SAMMSON: variants seen among roughly 807,000 people sequenced by gnomAD.
SAMMSON encodes long intergenic non-protein coding RNA 1212.
At chr3:70,325,195 G>T (rs1702569593) in intron 7 of SAMMSON, among the ~76,000 whole-genome samples, 1 of 152,100 alleles carries the variant, frequency 6.6e-6, no homozygotes, top group African/African-American at 2.4e-5. Flanking sequence ...CATAGTAACT[G>T]GGAAACATTA....
intron 7 of SAMMSON, among the ~76,000 whole-genome samples, chr3:70,328,729 C>T (rs1232530746): frequency 6.6e-6 from 1 of 152,040 alleles, no homozygotes; most frequent in Non-Finnish European, 1.5e-5. Context: ...GAGAGTGATG[C>T]AGTGAGGAGA....
intron 3 of SAMMSON, among the ~76,000 whole-genome samples, chr3:70,045,967 A>G (rs951061142): frequency 6.6e-6 from 1 of 152,114 alleles, no homozygotes; most frequent in African/African-American, 2.4e-5. Flanking sequence ...CTCTGTTCAG[A>G]GGTGATTTAT....
intron 6 of SAMMSON, among the ~76,000 whole-genome samples, chr3:70,287,038 A>G (rs1465877807): frequency 1.4e-5 from 2 of 147,432 alleles, no homozygotes; most frequent in Non-Finnish European, 3.0e-5. Flanking sequence ...TCCTAATTGA[A>G]TACCCTTTAT....
chr3:70,020,368 C>G (rs574951483), intron 3 of SAMMSON, among the ~76,000 whole-genome samples: 50 of 152,216 alleles, frequency 3.3e-4, no homozygotes, highest in Admixed American at 3.2e-3. Context: ...CAATTTTTGA[C>G]CTCTCCTAGG....
At chr3:70,052,826 T>G (rs147278875) in intron 3 of SAMMSON, among the ~76,000 whole-genome samples, 345 of 152,194 alleles carry the variant, frequency 2.3e-3, no homozygotes, top group African/African-American at 8.1e-3. Flanking sequence ...GGGACAAAAT[T>G]GCCCTCATTT....
chr3:70,268,672 CTTCTT>C (rs1325007785), intron 6 of SAMMSON, among the ~76,000 whole-genome samples: 1 of 152,106 alleles, frequency 6.6e-6, no homozygotes, highest in Non-Finnish European at 1.5e-5. Context: ...AGTATTCTCT[CTTCTT>C]TTGTTTTTGC....
intron 4 of SAMMSON, among the ~76,000 whole-genome samples, chr3:70,161,153 G>A (rs971613093): frequency 6.6e-6 from 1 of 151,750 alleles, no homozygotes; most frequent in African/African-American, 2.4e-5. Context: ...TCTTTCTTTT[G>A]TATGCCTTTC....
intron 3 of SAMMSON, chr3:70,068,269 A>C (rs1279455266): frequency 1.3e-5 from 2 of 152,086 alleles, no homozygotes; most frequent in African/African-American, 4.8e-5. Flanking sequence ...CTGAATCACC[A>C]ACCATTTCTG....
intron 6 of SAMMSON, among the ~76,000 whole-genome samples, chr3:70,267,942 C>T (rs142834007): frequency 6.6e-6 from 1 of 151,694 alleles, no homozygotes; most frequent in Non-Finnish European, 1.5e-5. Context: ...ATCCCCTTCC[C>T]TTCCTTTCCC....
At chr3:70,084,257 G>C (rs1227687356) in intron 4 of SAMMSON, among the ~76,000 whole-genome samples, 1 of 152,118 alleles carries the variant, frequency 6.6e-6, no homozygotes, top group Non-Finnish European at 1.5e-5. Flanking sequence ...TTTATTAGGG[G>C]TTACCTCTAG....
chr3:70,023,414 T>G (rs551473828), intron 3 of SAMMSON, among the ~76,000 whole-genome samples: 34 of 152,064 alleles, frequency 2.2e-4, no homozygotes, highest in African/African-American at 8.2e-4. Flanking sequence ...TGAGCTGAGA[T>G]TGCTCCAGTG....
At chr3:70,344,300 C>A (rs1702733406) in intron 7 of SAMMSON, among the ~76,000 whole-genome samples, 1 of 152,022 alleles carries the variant, frequency 6.6e-6, no homozygotes, top group African/African-American at 2.4e-5. Flanking sequence ...AATTGCGGGC[C>A]AGAGAAAGAG....
At chr3:70,120,052 G>T (rs954387857) in intron 4 of SAMMSON, 2 of 152,144 alleles carry the variant, frequency 1.3e-5, no homozygotes, top group Non-Finnish European at 2.9e-5. Context: ...CTTCAATAAA[G>T]GGCTGTGTGG....
intron 7 of SAMMSON, among the ~76,000 whole-genome samples, chr3:70,304,144 C>T (rs1300276523): frequency 6.6e-6 from 1 of 152,196 alleles, no homozygotes. Context: ...GCTCTCTACA[C>T]TCATGGAATC....
intron 4 of SAMMSON, among the ~76,000 whole-genome samples, chr3:70,112,782 A>G (rs2067394948): frequency 6.6e-6 from 1 of 152,204 alleles, no homozygotes; most frequent in Non-Finnish European, 1.5e-5. Context: ...TCAAAAATCC[A>G]ATTACATACT....
intron 4 of SAMMSON, among the ~76,000 whole-genome samples, chr3:70,091,010 G>C (rs1167063586): frequency 6.6e-6 from 1 of 152,150 alleles, no homozygotes; most frequent in Non-Finnish European, 1.5e-5. Flanking sequence ...AAGTGGGACT[G>C]TAACTTATGT....
At chr3:70,137,437 A>T (rs1368725034) in intron 4 of SAMMSON, among the ~76,000 whole-genome samples, 1 of 152,188 alleles carries the variant, frequency 6.6e-6, no homozygotes, top group Non-Finnish European at 1.5e-5. Flanking sequence ...GTATTTCTTG[A>T]TGTGAAAATT....
At chr3:70,258,316 T>G (rs1701835895) in intron 6 of SAMMSON, among the ~76,000 whole-genome samples, 1 of 152,126 alleles carries the variant, frequency 6.6e-6, no homozygotes, top group Non-Finnish European at 1.5e-5. Flanking sequence ...AAATCTTTGC[T>G]CTTTGAAAAA....
chr3:70,176,326 A>C (rs144572859), intron 4 of SAMMSON, among the ~76,000 whole-genome samples: 1 of 152,124 alleles, frequency 6.6e-6, no homozygotes, highest in Non-Finnish European at 1.5e-5. Flanking sequence ...AAACCCCATA[A>C]GCCTCTGTTA....
Sources: allele counts gnomAD v4.1 joint callset (sites outside exome capture counted in the v4.1 genomes callset), GRCh38; gene constraint gnomAD v4.1.1; transcripts MANE v1.5; gene names NCBI Gene and HGNC (gene_info 2026-07-23, HGNC 2026-07-21).